DRICH1: variants seen among roughly 807,000 people sequenced by gnomAD.
The protein encoded by DRICH1 is aspartate rich 1, also known as aspartate-rich protein 1.
A neutral mutation model predicts 39.5 loss-of-function variants in DRICH1; 38 were observed. That is an observed-to-expected ratio of 0.96 (90% CI 0.74 to 1.26). The LOEUF is 1.26. DRICH1 is among the 50% of genes most tolerant of loss of function. The pLI is 0.00. For synonymous variants in DRICH1, 84 were observed against 99.5 expected (o/e 0.84, Z 0.93); for missense variants, 279 against 270.4 (o/e 1.03, Z -0.22).
chr22:23,621,383 G>A (rs1927719078), intron 4 of DRICH1, among the ~76,000 whole-genome samples: 1 of 151,920 alleles, frequency 6.6e-6, no homozygotes, highest in South Asian at 2.1e-4. Flanking sequence ...GGATGGTAAT[G>A]CATTGTGGGC....
Position 23,631,846 on chromosome 22 carries a change from G to A in DRICH1, c.178C>T (p.Gln60Ter), listed in dbSNP as rs780998276. Residue 60 changes from glutamine (Q) to a stop codon, truncating the protein, a stop_gained, in exon 1 of 12, where the codon CAG becomes TAG. Coordinates refer to ENST00000317749, the MANE Select transcript of DRICH1 (RefSeq NM_016449.4). LOFTEE classifies it high-confidence loss of function. ...GGCATCTTTTGGTTGCTGATGTGCT[G>A]CAGGTCTTGGCCCTCCGTGGCTCCC... ...DVGATEGQDL[Q>*]HISNQKMPTG... The A allele has an allele frequency of 1.2e-6, 2 of 1,612,422 alleles. No homozygotes were observed. The highest frequency in any genetic ancestry group is 1.7e-5 in the Admixed American group (1 of 60,024).
downstream of DRICH1, chr22:23,608,272 G>A (rs1926844891): frequency 1.9e-5 from 3 of 157,442 alleles, no homozygotes; most frequent in African/African-American, 4.8e-5. Flanking sequence ...AGGCCCCTGA[G>A]GGCTGCAAGG....
chr22:23,624,768 T>C, intron 3 of DRICH1, 115 bp downstream of exon 3: 1 of 1,232,502 alleles, frequency 8.1e-7, no homozygotes, highest in African/African-American at 1.5e-5. Context: ...ACTCGCAGAA[T>C]CATTTGCTCT....
chr22:23,614,247 G>A (rs765462624), intron 8 of DRICH1, 33 bp from the exon 9 acceptor site: 31 of 1,517,706 alleles, frequency 2.0e-5, no homozygotes, highest in East Asian at 1.1e-4. Flanking sequence ...TCAGTGCACC[G>A]GTGGTTGGTG....
the DRICH1 span, among the ~76,000 whole-genome samples, chr22:23,595,774 G>A: frequency 0.81 from 122,488 of 151,864 alleles, 49,540 homozygotes; most frequent in African/African-American, 0.87. Context: ...AGGAAGGGGG[G>A]CATCCATAGC....
At chr22:23,629,392 C>T (rs1928261034) in intron 1 of DRICH1, among the ~76,000 whole-genome samples, 1 of 152,118 alleles carries the variant, frequency 6.6e-6, no homozygotes, top group Non-Finnish European at 1.5e-5. Context: ...AGTGGCTGCT[C>T]ATGCTCACAC....
At chr22:23,593,359 G>T in the DRICH1 span, among the ~76,000 whole-genome samples, 1 of 152,154 alleles carries the variant, frequency 6.6e-6, no homozygotes, top group East Asian at 1.9e-4. Context: ...TTTGTCTGAG[G>T]AGCAAACAGA....
the DRICH1 span, among the ~76,000 whole-genome samples, chr22:23,584,649 G>A: frequency 6.6e-6 from 1 of 152,132 alleles, no homozygotes; most frequent in African/African-American, 2.4e-5. Flanking sequence ...CATTATTTAC[G>A]GCCAGGGTGA....
chr22:23,587,829 TG>T, the DRICH1 span, among the ~76,000 whole-genome samples: 1 of 152,342 alleles, frequency 6.6e-6, no homozygotes, highest in Non-Finnish European at 1.5e-5. Flanking sequence ...CACTAGGCTT[TG>T]ACCTTGAGCT....
chr22:23,613,192 C>T (rs138182940), intron 11 of DRICH1, 97 bp downstream of exon 11: 1 of 861,774 alleles, frequency 1.2e-6, no homozygotes, highest in Non-Finnish European at 2.0e-6. Context: ...TGATTTCATA[C>T]CCCCTCCTTC....
the DRICH1 span, among the ~76,000 whole-genome samples, chr22:23,599,459 A>G: frequency 5.3e-5 from 8 of 151,512 alleles, no homozygotes; most frequent in East Asian, 2.0e-4. Flanking sequence ...CCCTGCCCCT[A>G]TTAAGGCCTG....
intron 1 of DRICH1, among the ~76,000 whole-genome samples, chr22:23,629,018 C>T (rs564828106): frequency 1.5e-4 from 23 of 151,580 alleles, no homozygotes; most frequent in African/African-American, 5.1e-4. Flanking sequence ...ATTTCTCCTC[C>T]GCTCTTCTCT....
chr22:23,617,491 C>T, intron 7 of DRICH1, 84 bp downstream of exon 7: 1 of 1,484,418 alleles, frequency 6.7e-7, no homozygotes. Flanking sequence ...TGCCTGAGTC[C>T]ATTCTTTGGG....
chr22:23,585,715 TCACTGTG>T, the DRICH1 span, among the ~76,000 whole-genome samples: 1 of 152,188 alleles, frequency 6.6e-6, no homozygotes, highest in African/African-American at 2.4e-5. Flanking sequence ...AGACAGGGTC[TCACTGTG>T]TTGCCCGGGC....
the DRICH1 span, among the ~76,000 whole-genome samples, chr22:23,589,015 A>C: frequency 7.4e-4 from 112 of 150,496 alleles, no homozygotes; most frequent in African/African-American, 2.5e-3. Flanking sequence ...AAACAAGCTA[A>C]CCCTCCCAGA....
At chr22:23,583,692 C>A in the DRICH1 span, 2 of 152,370 alleles carry the variant, frequency 1.3e-5, no homozygotes, top group African/African-American at 4.8e-5. Flanking sequence ...GATGTGGACA[C>A]CCTAAGAAAC....
At chr22:23,598,077 G>A in the DRICH1 span, among the ~76,000 whole-genome samples, 1 of 150,696 alleles carries the variant, frequency 6.6e-6, no homozygotes, top group Non-Finnish European at 1.5e-5. Context: ...CCGGAGCTGG[G>A]AAGGTGAATC....
intron 4 of DRICH1, among the ~76,000 whole-genome samples, chr22:23,621,793 A>G: frequency 6.6e-6 from 1 of 152,190 alleles, no homozygotes; most frequent in African/African-American, 2.4e-5. Context: ...ACATGCCTGT[A>G]ATCCCAGCTA....
intron 1 of DRICH1, among the ~76,000 whole-genome samples, chr22:23,629,235 C>T (rs1569097592): frequency 6.6e-6 from 1 of 152,180 alleles, no homozygotes; most frequent in Non-Finnish European, 1.5e-5. Flanking sequence ...GACAGGGTTT[C>T]GCCAGGTTGG....
Sources: allele counts gnomAD v4.1 joint callset (sites outside exome capture counted in the v4.1 genomes callset), GRCh38; gene constraint gnomAD v4.1.1; transcripts MANE v1.5; gene names NCBI Gene and HGNC (gene_info 2026-07-23, HGNC 2026-07-21).